Variants in ABCC1 observed in about 807,000 individuals in gnomAD.
ABCC1 encodes the protein multidrug resistance-associated protein 1.
ABCC1 carries 83 observed loss-of-function variants against 172.9 expected under a neutral mutation model. The observed-to-expected ratio is 0.48, with a 90% CI of 0.40 to 0.58. The LOEUF is 0.58. Among genes scored for constraint, ABCC1 ranks in the 20% least tolerant of loss-of-function variants. ABCC1 has a pLI of 0.00. For synonymous variants in ABCC1, 937 were observed against 825.2 expected (o/e 1.14, Z -2.32); for missense variants, 1,817 against 2,002.7 (o/e 0.91, Z 1.77).
chr16:16,075,268 A>G (rs916833243), intron 14 of ABCC1, among the ~76,000 whole-genome samples: 4 of 152,024 alleles, frequency 2.6e-5, no homozygotes, highest in African/African-American at 9.7e-5. Context: ...AGTGAGAGAC[A>G]TGAAGTAAAA....
At chr16:16,027,532 G>T (rs928113480) in intron 5 of ABCC1, among the ~76,000 whole-genome samples, 2 of 152,168 alleles carry the variant, frequency 1.3e-5, no homozygotes, top group Non-Finnish European at 2.9e-5. Context: ...TGGTATATAG[G>T]TTGGGCACGG....
At chr16:16,122,280 C>G in intron 24 of ABCC1, 106 bp downstream of exon 24, 1 of 1,256,968 alleles carries the variant, frequency 8.0e-7, no homozygotes, top group East Asian at 2.4e-5. Flanking sequence ...AAAGCCAAAC[C>G]CCGGCCTTGC....
intron 1 of ABCC1, among the ~76,000 whole-genome samples, chr16:15,995,625 G>A (rs886479362): frequency 6.6e-6 from 1 of 152,106 alleles, no homozygotes; most frequent in African/African-American, 2.4e-5. Flanking sequence ...AGTAGTCGCT[G>A]ATAAATGTCC....
chr16:15,997,984 A>AT (rs915597543), intron 1 of ABCC1, among the ~76,000 whole-genome samples: 5 of 150,072 alleles, frequency 3.3e-5, no homozygotes, highest in South Asian at 2.1e-4. Context: ...TGGCTAATGT[A>AT]TTTTTTTTTT....
intron 21 of ABCC1, among the ~76,000 whole-genome samples, chr16:16,109,878 A>G (rs13333388): frequency 0.33 from 49,780 of 151,878 alleles, 8,539 homozygotes; most frequent in African/African-American, 0.41. Flanking sequence ...GCTTTCTGTC[A>G]GTCTTGGCTA....
intron 7 of ABCC1, 95 bp from the exon 8 acceptor site, chr16:16,044,355 C>A: frequency 1.8e-6 from 2 of 1,113,960 alleles, no homozygotes; most frequent in East Asian, 2.5e-5. Context: ...TTGACTCTGC[C>A]TTCCCTGAAG....
intron 20 of ABCC1, among the ~76,000 whole-genome samples, chr16:16,103,643 G>A (rs550278447): frequency 1.3e-5 from 2 of 152,112 alleles, no homozygotes; most frequent in East Asian, 3.8e-4. Context: ...AACAAAAATT[G>A]ACAAAGTCGG....
Position 16,136,580 on chromosome 16 carries a change from G to C in ABCC1, c.4228G>C (p.Asp1410His). 1 of 1,614,148 alleles carries C rather than the reference G, an allele frequency of 6.2e-7. No homozygotes were observed. Among genetic ancestry groups the C allele is most frequent in the Non-Finnish European group, 8.5e-7 (1 of 1,180,038 alleles). Residue 1410 changes from aspartate (D) to histidine (H), a missense_variant, in exon 29 of 31, where the codon GAC becomes CAC. By Grantham distance (81) the Asp-to-His change is moderately conservative. Around this residue, in one of 3 missense-constraint regions of ABCC1, gnomAD observed 1,412 missense variants for 1,600.3 expected, o/e 0.88. Coordinates refer to ENST00000399410, the MANE Select transcript of ABCC1 (RefSeq NM_004996.4). ...WTSLELAHLK[D>H]FVSALPDKLD... ...GTCCCTGGAGCTGGCCCACCTGAAG[G>C]ACTTCGTGTCAGCCCTTCCTGACAA...
intron 24 of ABCC1, 91 bp downstream of exon 24, chr16:16,122,265 G>T: frequency 7.0e-7 from 1 of 1,432,532 alleles, no homozygotes. Flanking sequence ...CCTTGAGCTG[G>T]GTATAAAGCC....
intron 12 of ABCC1, among the ~76,000 whole-genome samples, chr16:16,067,547 C>T (rs1397970274): frequency 6.6e-6 from 1 of 152,182 alleles, no homozygotes; most frequent in Non-Finnish European, 1.5e-5. Context: ...TCATGACTTC[C>T]ATTTTATAGA....
rs772410803 is a variant in ABCC1, at chr16:16,068,275, C to T, written c.1797C>T (p.Leu599=). Residue 599 remains leucine, a synonymous_variant, in exon 13 of 31, where the codon CTC becomes CTT. Coordinates refer to ENST00000399410, the MANE Select transcript of ABCC1 (RefSeq NM_004996.4). ...TCCTCCGGTTTCCCCTGAACATTCT[C>T]CCCATGGTCATCAGCAGCATCGTGC... ...FNILRFPLNI[L]PMVISSIVQA... The T allele has an allele frequency of 1.1e-5, 17 of 1,614,162 alleles. No individual in the cohort carries two copies. In the Middle Eastern group the frequency reaches 1.3e-3, roughly 125 times the overall value.
rs187592853 is a variant in ABCC1 at position 15,990,712 on chromosome 16, C to T, written c.49-17104C>T. 9.8e-3 allele frequency among the ~76,000 whole-genome samples: 1,495 copies of T among 151,908 alleles called. 10 individuals carry two copies. The highest frequency in any genetic ancestry group is 0.037 in the Middle Eastern group (11 of 294). ...TCTCCCAGGCTGGAGTGCAGTGGCA[C>T]GATCTCGGCTCACTGCAAGCTCCGC... On this transcript the variant is annotated intron_variant, in intron 1 of 30. Coordinates refer to ENST00000399410, the MANE Select transcript of ABCC1 (RefSeq NM_004996.4).
intron 4 of ABCC1, among the ~76,000 whole-genome samples, chr16:16,015,633 G>A (rs989704743): frequency 6.6e-6 from 1 of 152,196 alleles, no homozygotes; most frequent in Non-Finnish European, 1.5e-5. Context: ...TATGTGTCAC[G>A]AATAATCTTC....
chr16:15,958,697 C>T (rs1315630376), intron 1 of ABCC1, among the ~76,000 whole-genome samples: 1 of 152,204 alleles, frequency 6.6e-6, no homozygotes, highest in Non-Finnish European at 1.5e-5. Flanking sequence ...CTTCCCCCCG[C>T]TTAGCAAGAA....
intron 10 of ABCC1, among the ~76,000 whole-genome samples, chr16:16,049,984 G>A (rs546857768): frequency 2.1e-4 from 32 of 152,096 alleles, no homozygotes; most frequent in African/African-American, 6.3e-4. Context: ...GTGAGCCACC[G>A]TGCCCAGCCC....
At chr16:16,091,875 G>A (rs554337837) in intron 19 of ABCC1, among the ~76,000 whole-genome samples, 1 of 152,308 alleles carries the variant, frequency 6.6e-6, no homozygotes, top group East Asian at 1.9e-4. Flanking sequence ...CTCATCCTTT[G>A]CCTGGGGTGG....
chr16:16,074,567 T>A (rs1329411871), intron 14 of ABCC1, among the ~76,000 whole-genome samples: 2 of 152,200 alleles, frequency 1.3e-5, no homozygotes, highest in African/African-American at 4.8e-5. Flanking sequence ...CCCTCCTTCC[T>A]GCCCTAATAG....
In ABCC1 at chr16:15,950,598, G is replaced by A. The variant is rs370985299; in HGVS notation, c.48+799G>A. ...AACGTGGCCTGCGGAGCCTGACTGG[G>A]TGTCTGGAGTCCACTTGCTGTGGTT... On this transcript the variant is annotated intron_variant, in intron 1 of 30. Coordinates refer to ENST00000399410, the MANE Select transcript of ABCC1 (RefSeq NM_004996.4). 2.6e-5 allele frequency among the ~76,000 whole-genome samples: 4 copies of A among 152,300 alleles called. No individual in the cohort carries two copies. In the East Asian group the frequency reaches 7.7e-4, roughly 29 times the overall value.
chr16:16,039,209 T>TTGTGTG lies in ABCC1; in HGVS notation c.809+2626_809+2631dup, dbSNP rs749877499. On this transcript the variant is annotated intron_variant, in intron 7 of 30. Coordinates refer to ENST00000399410, the MANE Select transcript of ABCC1 (RefSeq NM_004996.4). The stretch of plus-strand genomic sequence containing the variant: ...AGGGTGAGAGTAACCGAGGAAGCTT[T>TTGTGTG]TGTGTGTGTGTGTGTGTGTGTGTGT... Among the ~76,000 whole-genome samples the TTGTGTG allele has an allele frequency of 8.0e-3, 1,100 of 137,082 alleles. 8 individuals carry two copies. Among genetic ancestry groups the TTGTGTG allele is most frequent in the African/African-American group, 0.026 (901 of 35,276 alleles). The allele number at this position is 137,082 out of a possible 152,430, so 89.9% of individuals were successfully genotyped here.
Sources: gnomAD v4.1 joint callset for allele counts (sites outside exome capture counted in the v4.1 genomes callset) on GRCh38, gnomAD v4.1.1 for gene constraint, gnomAD v4.1.1 regional missense constraint, MANE v1.5 for transcripts, NCBI Gene and HGNC (gene_info 2026-07-23, HGNC 2026-07-21) for gene names.